The following ATF6 variants were observed in gnomAD, a reference collection of about 807,000 sequenced individuals.
ATF6 encodes the protein activating transcription factor 6, also known as cyclic AMP-dependent transcription factor ATF-6 alpha.
ATF6 carries 53 observed loss-of-function variants against 83.6 expected under a neutral mutation model. The observed-to-expected ratio is 0.63, with a 90% confidence interval of 0.51 to 0.80. The LOEUF is 0.80. Among genes scored for constraint, ATF6 ranks in the 30% least tolerant of loss-of-function variants. ATF6 has a pLI of 0.00. For synonymous variants in ATF6, 288 were observed against 285.8 expected (o/e 1.01, Z -0.08); for missense variants, 744 against 797.9 (o/e 0.93, Z 0.81).
chr1:161,826,421 G>C (rs1685899910), intron 9 of ATF6, among the ~76,000 whole-genome samples: 1 of 152,152 alleles, frequency 6.6e-6, no homozygotes, highest in Non-Finnish European at 1.5e-5. Flanking sequence ...AGGAAGAGAT[G>C]ATGGTCCCTA....
chr1:161,912,655 T>G (rs1472921259), intron 15 of ATF6, among the ~76,000 whole-genome samples: 2 of 152,166 alleles, frequency 1.3e-5, no homozygotes, highest in Non-Finnish European at 2.9e-5. Context: ...CTGCGACCCT[T>G]CTAGTCATAA....
intron 15 of ATF6, among the ~76,000 whole-genome samples, chr1:161,919,294 C>T (rs1688157943): frequency 6.6e-6 from 1 of 152,014 alleles, no homozygotes; most frequent in Non-Finnish European, 1.5e-5. Context: ...AAAAGGATTG[C>T]ATGGTTGGTG....
At chr1:161,844,048 C>T (rs1055083891) in intron 9 of ATF6, among the ~76,000 whole-genome samples, 7 of 152,132 alleles carry the variant, frequency 4.6e-5, no homozygotes, top group Non-Finnish European at 8.8e-5. Flanking sequence ...TTTAATTACA[C>T]TGGGCTCAAT....
rs189856958 is a variant in ATF6, at chr1:161,860,790, G to C, written c.1604+513G>C. Reference sequence around the variant, plus strand: ...GACCTAGTGGTAGACTCAGAATTCAGATCATAGCTGTTTTACTTACAATGC... The same window carrying C: ...GACCTAGTGGTAGACTCAGAATTCACATCATAGCTGTTTTACTTACAATGC... On this transcript the variant is annotated intron_variant, in intron 13 of 15. Transcript: ENST00000367942. Among the ~76,000 whole-genome samples the C allele has an allele frequency of 1.3e-4, 20 of 152,080 alleles. No homozygotes were observed. In the East Asian group the frequency reaches 3.3e-3, roughly 25 times the overall value.
At chr1:161,954,380 A>G (rs1454825373) in intron 15 of ATF6, among the ~76,000 whole-genome samples, 1 of 152,164 alleles carries the variant, frequency 6.6e-6, no homozygotes, top group Non-Finnish European at 1.5e-5. Context: ...GCACATATAC[A>G]GCAGCACTAC....
At chr1:161,958,361 A>G in intron 15 of ATF6, 85 bp from the exon 16 acceptor site, 1 of 1,367,796 alleles carries the variant, frequency 7.3e-7, no homozygotes, top group Non-Finnish European at 1.0e-6. Context: ...CTTAAAGCAC[A>G]TTTCTGTATT....
intron 8 of ATF6, among the ~76,000 whole-genome samples, chr1:161,820,070 C>G (rs1002437924): frequency 2.0e-5 from 3 of 152,154 alleles, no homozygotes; most frequent in Non-Finnish European, 4.4e-5. Flanking sequence ...CCTTAGCACC[C>G]TCTTTTCTGG....
chr1:161,852,753 C>T (rs1209558709), intron 11 of ATF6, among the ~76,000 whole-genome samples: 1 of 152,146 alleles, frequency 6.6e-6, no homozygotes, highest in Non-Finnish European at 1.5e-5. Flanking sequence ...GCTGGGACTA[C>T]AGGCACATGC....
chr1:161,768,155 A>T (rs1446019245), intron 1 of ATF6, among the ~76,000 whole-genome samples: 1 of 152,172 alleles, frequency 6.6e-6, no homozygotes, highest in African/African-American at 2.4e-5. Flanking sequence ...GTGCCCGGCC[A>T]GTGACATTTC....
In ATF6 at chr1:161,861,373, TTAAATGACAA is replaced by T. The variant is rs540304964; in HGVS notation, c.1604+1098_1604+1107del. Among the ~76,000 whole-genome samples, 525 of 152,300 alleles carry T rather than the reference TTAAATGACAA, an allele frequency of 3.4e-3. 2 individuals carry two copies. Among genetic ancestry groups the T allele is most frequent in the Non-Finnish European group, 5.4e-3 (365 of 68,006 alleles). The stretch of plus-strand genomic sequence containing the variant: ...TTATACTAATAACTGAGAATTCCTA[TTAAATGACAA>T]TGAGCAGCATATCAGCAATCATGAA... On this transcript the variant is annotated intron_variant, in intron 13 of 15. Coordinates refer to ENST00000367942, the MANE Select transcript of ATF6 (RefSeq NM_007348.4).
At chr1:161,767,913 T>C (rs1276740386) in intron 1 of ATF6, among the ~76,000 whole-genome samples, 2 of 152,234 alleles carry the variant, frequency 1.3e-5, no homozygotes, top group African/African-American at 4.8e-5. Flanking sequence ...TAGAGTGTAA[T>C]GGCGCAATCT....
In ATF6 at chr1:161,830,152, T is replaced by C. The variant is rs973971575; in HGVS notation, c.1187+8991T>C. 2.2e-4 allele frequency among the ~76,000 whole-genome samples: 34 copies of C among 152,230 alleles called. 1 individual carries two copies. Among genetic ancestry groups the C allele is most frequent in the Admixed American group, 1.8e-3 (27 of 15,292 alleles). On this transcript the variant is annotated intron_variant, in intron 9 of 15. Transcript: ENST00000367942. ...AATCACAAGCATTCTTATACACCAA[T>C]AGCAGACAAACAGAGAGCCAAATCA...
chr1:161,902,611 G>T (rs1687808481), intron 14 of ATF6, among the ~76,000 whole-genome samples: 1 of 152,092 alleles, frequency 6.6e-6, no homozygotes. Context: ...TGCCTCCTTA[G>T]GGAAAAAACT....
chr1:161,889,322 TTCCATGGGG>T (rs1687498900), intron 14 of ATF6, among the ~76,000 whole-genome samples: 1 of 152,220 alleles, frequency 6.6e-6, no homozygotes, highest in Non-Finnish European at 1.5e-5. Flanking sequence ...TTTCCCAGTT[TTCCATGGGG>T]TCCACTGAGG....
intron 15 of ATF6, among the ~76,000 whole-genome samples, chr1:161,937,347 TAAA>T (rs35432799): frequency 3.6e-5 from 4 of 111,030 alleles, no homozygotes; most frequent in Non-Finnish European, 3.5e-5. Context: ...CCCTCTCAGT[TAAA>T]AAAAAAAAAA....
At chr1:161,847,409 A>G (rs901800489) in intron 10 of ATF6, among the ~76,000 whole-genome samples, 43 of 152,262 alleles carry the variant, frequency 2.8e-4, no homozygotes, top group Middle Eastern at 3.4e-3. Flanking sequence ...TGATCACCAC[A>G]ATCCTGCAGG....
chr1:161,820,558 C>T (rs896461278), intron 8 of ATF6, among the ~76,000 whole-genome samples: 27 of 152,144 alleles, frequency 1.8e-4, no homozygotes, highest in African/African-American at 3.4e-4. Flanking sequence ...CAAGACCATC[C>T]TGGCCAACAT....
At chr1:161,865,000 A>G (rs1686961431) in intron 14 of ATF6, among the ~76,000 whole-genome samples, 1 of 152,202 alleles carries the variant, frequency 6.6e-6, no homozygotes, top group Admixed American at 6.5e-5. Context: ...ACTCAAATAG[A>G]CAGTTTTTCT....
In ATF6 at chr1:161,766,366, G is replaced by C; in HGVS notation, c.6G>C (p.Gly2=). The change falls in exon 1 of 16, where the codon GGG becomes GGC. Residue 2 remains glycine, a synonymous_variant. Transcript: ENST00000367942. M[G]EPAGVAGTME... ...AGGGAGAAGGAACTTGTGAAATGGG[G>C]GAGCCGGCTGGGGTTGCCGGCACCA... 1 of 1,612,846 alleles carries C rather than the reference G, an allele frequency of 6.2e-7. No homozygotes were observed. Among genetic ancestry groups the C allele is most frequent in the Non-Finnish European group, 8.5e-7 (1 of 1,179,386 alleles).
Sources: gnomAD v4.1 joint callset for allele counts (sites outside exome capture counted in the v4.1 genomes callset) on GRCh38, gnomAD v4.1.1 for gene constraint, MANE v1.5 for transcripts, NCBI Gene and HGNC (gene_info 2026-07-23, HGNC 2026-07-21) for gene names.